The following DPP6 variants were observed in gnomAD, a reference collection of about 807,000 sequenced individuals.
The protein encoded by DPP6 is A-type potassium channel modulatory protein DPP6.
DPP6 carries 69 observed loss-of-function variants against 122.6 expected under a neutral mutation model. The observed-to-expected ratio is 0.56, with a 90% CI of 0.46 to 0.69. The LOEUF is 0.69. Among genes scored for constraint, DPP6 ranks in the 30% least tolerant of loss-of-function variants. The pLI is 0.00. For synonymous variants in DPP6, 418 were observed against 433.1 expected (o/e 0.97, Z 0.43); for missense variants, 928 against 1,116.9 (o/e 0.83, Z 2.41).
intron 16 of DPP6, among the ~76,000 whole-genome samples, chr7:154,836,071 C>T (rs979319600): frequency 1.3e-5 from 2 of 152,208 alleles, no homozygotes; most frequent in African/African-American, 2.4e-5. Context: ...CCAAACCTTC[C>T]GCTCATTTCT....
At chr7:154,045,716 G>A (rs1300524531) in intron 1 of DPP6, among the ~76,000 whole-genome samples, 1 of 152,184 alleles carries the variant, frequency 6.6e-6, no homozygotes, top group Admixed American at 6.5e-5. Context: ...GTACCAAAAG[G>A]AGCAAGAAAT....
chr7:154,284,394 A>G (rs1030549616), intron 1 of DPP6, among the ~76,000 whole-genome samples: 4 of 152,226 alleles, frequency 2.6e-5, no homozygotes, highest in Admixed American at 6.5e-5. Flanking sequence ...TTATATGCCT[A>G]TGTTCTTTGC....
At chr7:154,362,508 G>C (rs2151100509) in intron 1 of DPP6, among the ~76,000 whole-genome samples, 1 of 152,188 alleles carries the variant, frequency 6.6e-6, no homozygotes, top group African/African-American at 2.4e-5. Flanking sequence ...TCTGCTTCCT[G>C]GGTTCAAGCG....
chr7:154,663,746 G>A (rs369268298), intron 6 of DPP6, among the ~76,000 whole-genome samples: 3 of 82,984 alleles, frequency 3.6e-5, no homozygotes, highest in African/African-American at 3.7e-5. Flanking sequence ...CGTATCGGCC[G>A]TAGTGTTCAT....
At position 153,897,711 on chromosome 7, in the gene DPP6, T is replaced by G. The variant is rs539658172; in HGVS notation, c.51+9977T>G. 2.0e-5 allele frequency among the ~76,000 whole-genome samples: 3 copies of G among 152,356 alleles called. No homozygotes were observed. In the East Asian group the frequency reaches 5.8e-4, roughly 29 times the overall value. On this transcript the variant is annotated intron_variant, in intron 1 of 25. Coordinates refer to the DPP6 transcript ENST00000404039. ...AATTTAACAACAAGACACCATATTT[T>G]TTATTCAATCATTGCCATCGTTATC...
intron 1 of DPP6, among the ~76,000 whole-genome samples, chr7:154,027,868 G>A (rs1203259832): frequency 6.6e-6 from 1 of 151,646 alleles, no homozygotes; most frequent in Non-Finnish European, 1.5e-5. Context: ...AAATCTGTCT[G>A]CACCTATCAT....
intron 1 of DPP6, among the ~76,000 whole-genome samples, chr7:154,175,327 T>C (rs751278140): frequency 6.6e-5 from 10 of 152,110 alleles, no homozygotes; most frequent in Non-Finnish European, 1.5e-4. Context: ...AGTGTCATGA[T>C]ATGAGCCCTT....
chr7:154,614,739 T>C (rs1015202963), intron 5 of DPP6, among the ~76,000 whole-genome samples: 4 of 146,994 alleles, frequency 2.7e-5, no homozygotes, highest in African/African-American at 9.8e-5. Context: ...GCATTAACCA[T>C]TTAGAGCACT....
At chr7:154,773,025 T>G in intron 10 of DPP6, 83 bp downstream of exon 10, 1 of 1,388,422 alleles carries the variant, frequency 7.2e-7, no homozygotes, top group Non-Finnish European at 9.4e-7. Flanking sequence ...CTGGATCAGA[T>G]TTATCTTACA....
chr7:154,058,476 A>AGGG (rs34296411), intron 1 of DPP6: 1 of 113,600 alleles, frequency 8.8e-6, no homozygotes, highest in African/African-American at 3.6e-5. Context: ...CCCCCATCGT[A>AGGG]GGGGGGGGGA....
In DPP6 at chr7:153,945,434, T is replaced by C. The variant is rs180915190; in HGVS notation, c.51+57700T>C. Among the ~76,000 whole-genome samples the C allele has an allele frequency of 3.3e-5, 5 of 152,154 alleles. No homozygotes were observed. The East Asian group carries it at 9.7e-4, about 29-fold the overall frequency. ...AGGAAGAATGGCTGCTTGGACTACA[T>C]AGAGGCAGTGGAGATGGAATGAAGA... On this transcript the variant is annotated intron_variant, in intron 1 of 25. Transcript: ENST00000404039.
intron 1 of DPP6, among the ~76,000 whole-genome samples, chr7:154,113,394 C>CATATATATATATAT (rs143477890): frequency 1.2e-3 from 159 of 136,598 alleles, no homozygotes; most frequent in East Asian, 4.7e-3. Flanking sequence ...TGTTTTCCTA[C>CATATATATATATAT]ATATATATAT....
chr7:154,538,853 C>T (rs941784301), intron 3 of DPP6, among the ~76,000 whole-genome samples: 1 of 152,162 alleles, frequency 6.6e-6, no homozygotes, highest in Admixed American at 6.6e-5. Flanking sequence ...AAATATGACT[C>T]ATTTGATTTG....
chr7:153,958,786 C>G (rs1039212647), intron 1 of DPP6, among the ~76,000 whole-genome samples: 1 of 152,090 alleles, frequency 6.6e-6, no homozygotes, highest in African/African-American at 2.4e-5. Context: ...CCCTGAACAT[C>G]TGGCCTGTTT....
chr7:154,409,717 T>G (rs1249102950), intron 1 of DPP6, among the ~76,000 whole-genome samples: 1 of 152,190 alleles, frequency 6.6e-6, no homozygotes, highest in Non-Finnish European at 1.5e-5. Flanking sequence ...TAAAATCAGT[T>G]ATTTCTCCAA....
chr7:154,199,586 G>A (rs569286378), intron 1 of DPP6, among the ~76,000 whole-genome samples: 2 of 151,920 alleles, frequency 1.3e-5, no homozygotes, highest in South Asian at 4.2e-4. Context: ...TAACCTCATG[G>A]CATCTATACT....
intron 7 of DPP6, among the ~76,000 whole-genome samples, chr7:154,701,108 T>C (rs968287622): frequency 2.4e-4 from 37 of 152,312 alleles, no homozygotes; most frequent in African/African-American, 8.7e-4. Flanking sequence ...ACCCATTTCC[T>C]ATGATCCTCC....
chr7:154,387,993 G>A lies in DPP6; in HGVS notation c.244-58221G>A, dbSNP rs147369017. ...CAGCACCTAGAAGAGTACATGGCATGCAGTGGGTGCTCAAAACACAGTGAT... is the reference window on the plus strand; with the variant it reads ...CAGCACCTAGAAGAGTACATGGCATACAGTGGGTGCTCAAAACACAGTGAT... On this transcript the variant is annotated intron_variant, in intron 1 of 25. Transcript: ENST00000377770. Among the ~76,000 whole-genome samples, 5 of 152,170 alleles carry A rather than the reference G, an allele frequency of 3.3e-5. No homozygotes were observed. The East Asian group carries it at 9.7e-4, about 29-fold the overall frequency.
chr7:154,590,716 T>C (rs1339948177), intron 5 of DPP6, among the ~76,000 whole-genome samples: 1 of 150,900 alleles, frequency 6.6e-6, no homozygotes, highest in East Asian at 2.0e-4. Context: ...GTATGTTTAG[T>C]AGAGACGGGG....
Sources: gnomAD v4.1 joint callset for allele counts (sites outside exome capture counted in the v4.1 genomes callset) on GRCh38, gnomAD v4.1.1 for gene constraint, MANE v1.5 for transcripts, NCBI Gene and HGNC (gene_info 2026-07-23, HGNC 2026-07-21) for gene names.